The following RTKN2 variants were observed in gnomAD, a reference collection of about 807,000 sequenced individuals.
RTKN2 encodes the protein rhotekin-2.
In RTKN2, 69 loss-of-function variants were observed where a neutral mutation model predicts 71.5. The observed-to-expected ratio is 0.96, with a 90% CI of 0.79 to 1.18. The LOEUF (loss-of-function observed/expected upper bound fraction) is 1.18. Ranked by LOEUF, RTKN2 falls within the 50% of genes most tolerant of loss-of-function variation. RTKN2 has a pLI of 0.00. For synonymous variants in RTKN2, 236 were observed against 236.5 expected (o/e 1.00, Z 0.02); for missense variants, 724 against 719.7 (o/e 1.01, Z -0.07).
At chr10:62,222,515 A>G (rs754779669) in intron 7 of RTKN2, among the ~76,000 whole-genome samples, 4 of 152,162 alleles carry the variant, frequency 2.6e-5, no homozygotes, top group Non-Finnish European at 5.9e-5. Flanking sequence ...AACATTATCA[A>G]TCTTATCAGT....
intron 6 of RTKN2, among the ~76,000 whole-genome samples, chr10:62,229,320 T>C (rs1842099929): frequency 6.6e-6 from 1 of 152,184 alleles, no homozygotes; most frequent in African/African-American, 2.4e-5. Context: ...ATGCAATTAC[T>C]AGTAATGACA....
At chr10:62,241,793 G>T (rs1440362638) in intron 3 of RTKN2, among the ~76,000 whole-genome samples, 1 of 152,046 alleles carries the variant, frequency 6.6e-6, no homozygotes, top group Non-Finnish European at 1.5e-5. Context: ...CCGCCTCCTG[G>T]GTTTAAGTGA....
chr10:62,236,496 G>A (rs554682606), intron 5 of RTKN2, among the ~76,000 whole-genome samples: 2 of 152,026 alleles, frequency 1.3e-5, no homozygotes, highest in East Asian at 1.9e-4. Context: ...CACTGCTGGC[G>A]GAGTCATTAT....
chr10:62,224,173 T>C (rs1241493818), intron 6 of RTKN2, among the ~76,000 whole-genome samples: 1 of 152,064 alleles, frequency 6.6e-6, no homozygotes, highest in Non-Finnish European at 1.5e-5. Flanking sequence ...GAATCTAGAA[T>C]GGTGGCTGCC....
At chr10:62,234,615 G>C (rs1452612911) in intron 6 of RTKN2, among the ~76,000 whole-genome samples, 1 of 151,994 alleles carries the variant, frequency 6.6e-6, no homozygotes, top group African/African-American at 2.4e-5. Flanking sequence ...TCTAGTAAAC[G>C]GAAGAATCAG....
intron 1 of RTKN2, among the ~76,000 whole-genome samples, 172 bp from the exon 2 acceptor site, chr10:62,262,993 T>C (rs1323718392): frequency 1.3e-5 from 2 of 152,230 alleles, no homozygotes; most frequent in African/African-American, 4.8e-5. Context: ...ATTCTAAACT[T>C]CTTGCTTCAT....
At chr10:62,266,828 A>T (rs559962295) in intron 1 of RTKN2, among the ~76,000 whole-genome samples, 5 of 152,312 alleles carry the variant, frequency 3.3e-5, no homozygotes, top group Admixed American at 6.5e-5. Flanking sequence ...CCAAGCTACA[A>T]CGGTGGAAAC....
chr10:62,204,460 T>G lies in RTKN2; in HGVS notation c.1186+397A>C, dbSNP rs1212396212. Among the ~76,000 whole-genome samples the G allele has an allele frequency of 2.6e-5, 4 of 152,178 alleles. No individual in the cohort carries two copies. In the East Asian group the frequency reaches 7.7e-4, roughly 29 times the overall value. On this transcript the variant is annotated intron_variant, in intron 10 of 11. Coordinates refer to ENST00000373789, the MANE Select transcript of RTKN2 (RefSeq NM_145307.4). ...CTGGAGTTAAGGGAAGGCTACAAAG[T>G]GAGACTCCTGAATGTTTCAATATTT...
rs866851821 is a variant in RTKN2, at chr10:62,268,553, G to A, written c.58C>T (p.Gln20Ter). 6.4e-7 allele frequency: 1 copy of A among 1,557,984 alleles called. No homozygotes were observed. Residue 20 changes from glutamine (Q) to a stop codon, truncating the protein, a stop_gained and splice_region_variant, in exon 1 of 12, where the codon CAG (glutamine) becomes TAG (stop). Coordinates refer to ENST00000373789, the MANE Select transcript of RTKN2 (RefSeq NM_145307.4). LOFTEE classifies it high-confidence loss of function. Reference sequence around the variant, plus strand: ...GCAGGGTCCCTCCCGCAACTCACCTGCTGGGTGGGAAGCCCCGCCAGGCGG... The same window carrying A: ...GCAGGGTCCCTCCCGCAACTCACCTACTGGGTGGGAAGCCCCGCCAGGCGG... ...ALRLAGLPTQ[Q>*]DCNIQEKIDL...
At chr10:62,241,251 T>C (rs113100081) in intron 3 of RTKN2, 56 bp from the exon 4 acceptor site, 20 of 1,019,094 alleles carry the variant, frequency 2.0e-5, no homozygotes, top group African/African-American at 1.6e-4. Flanking sequence ...TTTTATTCTT[T>C]ACAGTGACCT....
chr10:62,247,800 T>C (rs370174783), intron 2 of RTKN2, among the ~76,000 whole-genome samples: 2 of 152,080 alleles, frequency 1.3e-5, no homozygotes, highest in African/African-American at 2.4e-5. Context: ...ACATAATTGG[T>C]TGGCATTTGA....
intron 1 of RTKN2, among the ~76,000 whole-genome samples, chr10:62,266,052 CTT>C (rs1842863317): frequency 6.6e-6 from 1 of 152,192 alleles, no homozygotes; most frequent in Non-Finnish European, 1.5e-5. Flanking sequence ...CCATCATACT[CTT>C]ATTTCTTTTC....
chr10:62,218,082 T>C (rs1841815981), intron 8 of RTKN2, 113 bp downstream of exon 8: 5 of 679,780 alleles, frequency 7.4e-6, no homozygotes, highest in Non-Finnish European at 1.2e-5. Flanking sequence ...AAAACTGACA[T>C]TTAAAAAAAG....
At chr10:62,215,629 A>T (rs986690036) in intron 9 of RTKN2, among the ~76,000 whole-genome samples, 2 of 152,076 alleles carry the variant, frequency 1.3e-5, no homozygotes, top group African/African-American at 4.8e-5. Context: ...TATTCAGAGA[A>T]GAAATGTTAC....
chr10:62,267,240 T>A (rs1344477075), intron 1 of RTKN2, among the ~76,000 whole-genome samples: 1 of 152,186 alleles, frequency 6.6e-6, no homozygotes, highest in African/African-American at 2.4e-5. Flanking sequence ...CACATGTAAA[T>A]AACCCAGGCT....
chr10:62,235,531 A>G (rs911952452), intron 6 of RTKN2, among the ~76,000 whole-genome samples: 9 of 152,236 alleles, frequency 5.9e-5, no homozygotes, highest in Admixed American at 4.6e-4. Context: ...TTGAATGCCT[A>G]TATGACACCA....
In RTKN2 at chr10:62,194,449, T is replaced by A. The variant is rs1841283280; in HGVS notation, c.*3459A>T. 2.0e-6 allele frequency: 2 copies of A among 978,450 alleles called. No individual in the cohort carries two copies. Among genetic ancestry groups the A allele is most frequent in the Non-Finnish European group, 2.4e-6 (2 of 823,732 alleles). The allele number at this position is 978,450 out of a possible 1,614,324, so 60.6% of individuals were successfully genotyped here. A position where few individuals can be genotyped will look rare whatever the true frequency, so the allele number is the denominator to read the frequency against. ...AAGATGGCTACTAGAATATAAATGG[T>A]CATCAGTTAAAGTTTAATTACTATT... On this transcript the variant is annotated 3_prime_UTR_variant, in exon 12 of 12. Transcript: ENST00000373789.
At chr10:62,233,735 T>C (rs894584476) in intron 6 of RTKN2, among the ~76,000 whole-genome samples, 1 of 152,148 alleles carries the variant, frequency 6.6e-6, no homozygotes, top group African/African-American at 2.4e-5. Flanking sequence ...TCCAAAGAGA[T>C]TGAAAGACAC....
At chr10:62,210,146 G>A (rs1432760661) in intron 9 of RTKN2, among the ~76,000 whole-genome samples, 2 of 152,068 alleles carry the variant, frequency 1.3e-5, no homozygotes, top group African/African-American at 2.4e-5. Context: ...ATAATATGTG[G>A]CCCTTATTTG....
Sources: allele counts gnomAD v4.1 joint callset (sites outside exome capture counted in the v4.1 genomes callset), GRCh38; gene constraint gnomAD v4.1.1; transcripts MANE v1.5; gene names NCBI Gene and HGNC (gene_info 2026-07-23, HGNC 2026-07-21).